JAKMIP2: variants seen among roughly 807,000 people sequenced by gnomAD.
JAKMIP2 encodes janus kinase and microtubule-interacting protein 2.
A neutral mutation model predicts 115.0 loss-of-function variants in JAKMIP2; 25 were observed. That is an observed-to-expected ratio of 0.22 (90% CI 0.16 to 0.30). JAKMIP2 has a LOEUF of 0.30. Among genes scored for constraint, JAKMIP2 ranks in the 10% least tolerant of loss-of-function variants. JAKMIP2 has a pLI of 1.00. For missense variants in JAKMIP2, 642 were observed against 957.6 expected, an observed-to-expected ratio of 0.67 and a Z score of 4.35; for synonymous variants, 334 against 343.6, an observed-to-expected ratio of 0.97 and a Z score of 0.31.
chr5:147,600,972 G>A (rs1317310318), intron 21 of JAKMIP2, among the ~76,000 whole-genome samples: 1 of 151,956 alleles, frequency 6.6e-6, no homozygotes, highest in Admixed American at 6.6e-5. Flanking sequence ...GGGGAAAAGG[G>A]GTGAAAAAAA....
At chr5:147,751,505 C>T (rs1754559495) in intron 1 of JAKMIP2, among the ~76,000 whole-genome samples, 1 of 136,450 alleles carries the variant, frequency 7.3e-6, no homozygotes, top group Non-Finnish European at 1.6e-5. Context: ...AAATTAATTA[C>T]TCCCCCTCCC....
chr5:147,642,285 T>A (rs1022882237), intron 7 of JAKMIP2, among the ~76,000 whole-genome samples: 2 of 152,136 alleles, frequency 1.3e-5, no homozygotes, highest in African/African-American at 4.8e-5. Context: ...TGGAGCCATT[T>A]AGTGTTTCTG....
At chr5:147,600,789 A>G (rs1225040372) in intron 21 of JAKMIP2, among the ~76,000 whole-genome samples, 1 of 152,158 alleles carries the variant, frequency 6.6e-6, no homozygotes, top group East Asian at 1.9e-4. Flanking sequence ...ATTTTTAAGC[A>G]CTGGGAATCA....
At chr5:147,627,398 G>C (rs1757146244) in intron 16 of JAKMIP2, among the ~76,000 whole-genome samples, 1 of 152,002 alleles carries the variant, frequency 6.6e-6, no homozygotes, top group Admixed American at 6.5e-5. Context: ...GGAGAATGGA[G>C]AGAGAAAGAG....
At chr5:147,660,415 A>G (rs1232217060) in intron 3 of JAKMIP2, 1 of 442,064 alleles carries the variant, frequency 2.3e-6, no homozygotes, top group African/African-American at 2.0e-5. Flanking sequence ...CTATGTTTAA[A>G]ATGACTAGGG....
At position 147,588,223 on chromosome 5, in the gene JAKMIP2, T is replaced by C. The variant is rs1754954990; in HGVS notation, c.*3484A>G. The C allele has an allele frequency of 6.6e-6, 1 of 152,150 alleles. No homozygotes were observed. Among genetic ancestry groups the C allele is most frequent in the Non-Finnish European group, 1.5e-5 (1 of 68,026 alleles). The allele number at this position is 152,150 out of a possible 1,614,324, so 9.4% of individuals were successfully genotyped here. On this transcript the variant is annotated 3_prime_UTR_variant, in exon 22 of 22. Transcript: ENST00000616793. The stretch of plus-strand genomic sequence containing the variant: ...ATAACTATTTAAATTGGGTCTTTTA[T>C]TTATCTCAAATTATCTTTAGTAGTC...
chr5:147,695,555 C>A (rs1040035883), intron 1 of JAKMIP2, among the ~76,000 whole-genome samples: 1 of 152,076 alleles, frequency 6.6e-6, no homozygotes, highest in Non-Finnish European at 1.5e-5. Flanking sequence ...GGGCATCAGG[C>A]CCAGATATTT....
chr5:147,668,063 T>C (rs1051461505), intron 2 of JAKMIP2, among the ~76,000 whole-genome samples: 3 of 152,166 alleles, frequency 2.0e-5, no homozygotes, highest in South Asian at 4.1e-4. Context: ...CACCCTGTCT[T>C]TGTCACGGGC....
At chr5:147,676,321 G>T (rs1759961901) in intron 1 of JAKMIP2, among the ~76,000 whole-genome samples, 1 of 152,234 alleles carries the variant, frequency 6.6e-6, no homozygotes, top group South Asian at 2.1e-4. Flanking sequence ...GGGCGACAGA[G>T]CGAGACTCCG....
At chr5:147,599,770 G>A (rs77374698) in intron 21 of JAKMIP2, among the ~76,000 whole-genome samples, 8,249 of 152,208 alleles carry the variant, frequency 0.054, 424 homozygotes, top group South Asian at 0.18. Context: ...GTTAGAAGTG[G>A]ATTCTGGGCT....
chr5:147,603,400 C>T (rs1194880009), intron 20 of JAKMIP2, among the ~76,000 whole-genome samples: 1 of 152,174 alleles, frequency 6.6e-6, no homozygotes, highest in Non-Finnish European at 1.5e-5. Context: ...CTGCACACAG[C>T]TGAAGCAATT....
intron 1 of JAKMIP2, among the ~76,000 whole-genome samples, chr5:147,689,098 A>G (rs1392644610): frequency 6.6e-6 from 1 of 151,918 alleles, no homozygotes; most frequent in Non-Finnish European, 1.5e-5. Context: ...CCTGGGGGGG[A>G]AAGCGTGCCA....
chr5:147,775,895 C>T (rs1755534959), intron 1 of JAKMIP2, among the ~76,000 whole-genome samples: 1 of 152,116 alleles, frequency 6.6e-6, no homozygotes, highest in African/African-American at 2.4e-5. Flanking sequence ...CCTCATGGAG[C>T]TTACATTCTA....
chr5:147,716,375 G>A (rs1752996867), intron 1 of JAKMIP2, among the ~76,000 whole-genome samples: 1 of 145,496 alleles, frequency 6.9e-6, no homozygotes, highest in Non-Finnish European at 1.5e-5. Flanking sequence ...TGGGATGGCT[G>A]GGTCAAATGG....
chr5:147,701,930 T>A (rs1752339972), intron 1 of JAKMIP2, among the ~76,000 whole-genome samples: 1 of 152,186 alleles, frequency 6.6e-6, no homozygotes, highest in Non-Finnish European at 1.5e-5. Flanking sequence ...TAGTGACCAC[T>A]CATTTTGCTT....
chr5:147,714,362 G>A (rs1752886975), intron 1 of JAKMIP2, among the ~76,000 whole-genome samples: 2 of 152,130 alleles, frequency 1.3e-5, no homozygotes, highest in Non-Finnish European at 2.9e-5. Context: ...ATCAATTGAT[G>A]AGTTCATTGG....
chr5:147,695,827 G>A (rs1253354153), intron 1 of JAKMIP2, among the ~76,000 whole-genome samples: 1 of 151,884 alleles, frequency 6.6e-6, no homozygotes, highest in Non-Finnish European at 1.5e-5. Flanking sequence ...GACTTAGACT[G>A]AGACCTAAGT....
At chr5:147,731,527 C>T (rs116252945) in intron 1 of JAKMIP2, among the ~76,000 whole-genome samples, 2,797 of 152,294 alleles carry the variant, frequency 0.018, 114 homozygotes, top group African/African-American at 0.064. Flanking sequence ...AAATAACATA[C>T]TTAAGTTCGT....
At chr5:147,651,175 C>T (rs1490138339) in intron 3 of JAKMIP2, among the ~76,000 whole-genome samples, 4 of 152,158 alleles carry the variant, frequency 2.6e-5, no homozygotes, top group Admixed American at 2.6e-4. Context: ...TTTATCATTA[C>T]TATAAGAAAA....
Sources: gnomAD v4.1 joint callset for allele counts (sites outside exome capture counted in the v4.1 genomes callset) on GRCh38, gnomAD v4.1.1 for gene constraint, MANE v1.5 for transcripts, NCBI Gene and HGNC (gene_info 2026-07-23, HGNC 2026-07-21) for gene names.